The following ELAVL2 variants were observed in gnomAD, a reference collection of about 807,000 sequenced individuals.
ELAVL2 encodes the protein ELAV like RNA binding protein 2.
A neutral mutation model predicts 34.6 loss-of-function variants in ELAVL2; 4 were observed. The observed-to-expected ratio is 0.12, with a 90% confidence interval of 0.06 to 0.26. The LOEUF (loss-of-function observed/expected upper bound fraction) is 0.26, where lower values mean the gene tolerates loss of function less well. Among genes scored for constraint, ELAVL2 ranks in the 10% least tolerant of loss-of-function variants. The pLI is 1.00. For missense variants in ELAVL2, 432 were observed against 442.8 expected, an observed-to-expected ratio of 0.98 and a Z score of 0.22; for synonymous variants, 193 against 154.8, an observed-to-expected ratio of 1.25 and a Z score of -1.83.
chr9:23,762,158 G>C lies in ELAVL2; in HGVS notation c.77C>G (p.Ser26Trp), dbSNP rs146832864. The C allele has an allele frequency of 2.5e-6, 4 of 1,613,620 alleles. No homozygotes were observed. The highest frequency in any genetic ancestry group is 3.4e-6 in the Non-Finnish European group (4 of 1,179,650). Residue 26 changes from serine (S) to tryptophan (W), a missense_variant, in exon 2 of 7, where the codon TCG (serine) becomes TGG (tryptophan). Around this residue, in one of 3 missense-constraint regions of ELAVL2, gnomAD observed 132 missense variants for 118.3 expected, o/e 1.12. Transcript: ENST00000397312. ...TGTGTTCCCAGAGTCAACTGGTGAC[G>C]AACAGTTGTTGTTTATGGTGGTTGG... is the stretch of plus-strand genomic sequence containing the variant. ...NGPTTINNNC[S>W]SPVDSGNTED...
intron 6 of ELAVL2, 70 bp downstream of exon 6, chr9:23,693,378 C>G (rs1164125710): frequency 6.3e-7 from 1 of 1,582,902 alleles, no homozygotes; most frequent in Non-Finnish European, 8.7e-7. Flanking sequence ...GTGTGAATAG[C>G]ACTCCCAAAA....
chr9:23,732,163 G>GTAC (rs1317169182), intron 2 of ELAVL2, among the ~76,000 whole-genome samples: 10 of 152,180 alleles, frequency 6.6e-5, no homozygotes, highest in African/African-American at 2.4e-4. Flanking sequence ...CTTTTACTAA[G>GTAC]TACTACTGTT....
intron 1 of ELAVL2, among the ~76,000 whole-genome samples, chr9:23,776,099 T>C (rs753334036): frequency 2.0e-5 from 3 of 152,174 alleles, no homozygotes. Flanking sequence ...AAAATTTCCA[T>C]TGCAACCCTG....
At chr9:23,744,256 T>C (rs1370295338) in intron 2 of ELAVL2, among the ~76,000 whole-genome samples, 1 of 152,198 alleles carries the variant, frequency 6.6e-6, no homozygotes, top group Non-Finnish European at 1.5e-5. Context: ...ATCACTCTTG[T>C]TAAAAGAGGT....
At chr9:23,693,834 C>T (rs906168105) in intron 5 of ELAVL2, among the ~76,000 whole-genome samples, 3 of 152,162 alleles carry the variant, frequency 2.0e-5, no homozygotes, top group Non-Finnish European at 2.9e-5. Flanking sequence ...GTTCTTTATA[C>T]TACTTTTGAT....
chr9:23,781,398 A>G (rs896677505), intron 1 of ELAVL2, among the ~76,000 whole-genome samples: 1 of 152,152 alleles, frequency 6.6e-6, no homozygotes, highest in Admixed American at 6.5e-5. Flanking sequence ...TCAAAAGGTC[A>G]TGTTTTCACC....
upstream of ELAVL2, among the ~76,000 whole-genome samples, chr9:23,826,518 G>C (rs2065308629): frequency 6.6e-6 from 1 of 152,248 alleles, no homozygotes. Flanking sequence ...CCGTTTCAAG[G>C]TAAGTTGTGC....
At chr9:23,833,710 A>G in the ELAVL2 span, among the ~76,000 whole-genome samples, 1 of 151,948 alleles carries the variant, frequency 6.6e-6, no homozygotes, top group Non-Finnish European at 1.5e-5. Flanking sequence ...ATAAAAAATA[A>G]CCAAAAATGT....
At position 23,692,860 on chromosome 9, in the gene ELAVL2, T is replaced by C. The variant is rs1315291363; in HGVS notation, c.777A>G (p.Gly259=). The part of the protein sequence containing the change: ...VKRFSPMTID[G]MTSLAGINIP... ...TATTAATTCCAGCCAAACTGGTCAT[T>C]CCGTCAATGGTCATTGGAGAAAACC... The change falls in exon 7 of 7, where the codon GGA becomes GGG. Residue 259 remains glycine, a synonymous_variant. Transcript: ENST00000397312. The C allele has an allele frequency of 6.2e-7, 1 of 1,613,888 alleles. No homozygotes were observed. The highest frequency in any genetic ancestry group is 8.5e-7 in the Non-Finnish European group (1 of 1,179,926).
At chr9:23,839,086 A>G in the ELAVL2 span, among the ~76,000 whole-genome samples, 1 of 152,196 alleles carries the variant, frequency 6.6e-6, no homozygotes. Flanking sequence ...GAATCTAACA[A>G]GAGCTATCTA....
chr9:23,828,562 A>G (rs1431058814), upstream of ELAVL2, among the ~76,000 whole-genome samples: 2 of 152,210 alleles, frequency 1.3e-5, no homozygotes, highest in East Asian at 3.8e-4. Context: ...ATTACATGGA[A>G]AATAGTAAAC....
chr9:23,745,013 T>C (rs1348687056), intron 2 of ELAVL2, among the ~76,000 whole-genome samples: 1 of 152,068 alleles, frequency 6.6e-6, no homozygotes, highest in Non-Finnish European at 1.5e-5. Context: ...AAGACTAGCC[T>C]AGGCAACAAT....
chr9:23,828,845 T>TA (rs1588888394), upstream of ELAVL2, among the ~76,000 whole-genome samples: 3 of 152,160 alleles, frequency 2.0e-5, no homozygotes, highest in South Asian at 4.1e-4. Flanking sequence ...CTTTTAAAAA[T>TA]AAAAAATATT....
At position 23,805,767 on chromosome 9, in the gene ELAVL2, T is replaced by C. The variant is rs376995165; in HGVS notation, c.-16+20039A>G. ...AGCCGAAGAGGGTTCCACATGGCTATTAAATGACTGGCCCAGTGGTCATCC... is the reference window on the plus strand; with the variant it reads ...AGCCGAAGAGGGTTCCACATGGCTACTAAATGACTGGCCCAGTGGTCATCC... On this transcript the variant is annotated intron_variant, in intron 1 of 6. Transcript: ENST00000397312. Among the ~76,000 whole-genome samples, 5 of 152,360 alleles carry C rather than the reference T, an allele frequency of 3.3e-5. No homozygotes were observed. In the East Asian group the frequency reaches 7.7e-4, roughly 23 times the overall value.
intron 1 of ELAVL2, chr9:23,765,038 C>G: frequency 6.2e-7 from 1 of 1,609,458 alleles, no homozygotes; most frequent in African/African-American, 1.3e-5. Context: ...GCCCACGAAC[C>G]ACTTCTAAGC....
the ELAVL2 span, among the ~76,000 whole-genome samples, chr9:23,844,828 C>G: frequency 3.3e-5 from 5 of 152,116 alleles, no homozygotes; most frequent in African/African-American, 1.2e-4. Flanking sequence ...CTTTGAAAAT[C>G]TACAACAGAT....
chr9:23,726,357 A>G (rs573709274), intron 3 of ELAVL2, among the ~76,000 whole-genome samples: 11 of 152,292 alleles, frequency 7.2e-5, no homozygotes, highest in African/African-American at 2.6e-4. Context: ...AAGCAAAGGT[A>G]AATTTTAGCC....
chr9:23,783,490 T>C (rs1372664410), intron 1 of ELAVL2: 4 of 985,350 alleles, frequency 4.1e-6, no homozygotes, highest in Non-Finnish European at 2.4e-6. Flanking sequence ...ACGAGGTTCA[T>C]TATTGAATAA....
At chr9:23,818,473 A>C (rs1433297227) in intron 1 of ELAVL2, among the ~76,000 whole-genome samples, 1 of 152,166 alleles carries the variant, frequency 6.6e-6, no homozygotes, top group Non-Finnish European at 1.5e-5. Context: ...CGCCAAAAAT[A>C]AAATTAACCT....
Sources: gnomAD v4.1 joint callset for allele counts (sites outside exome capture counted in the v4.1 genomes callset) on GRCh38, gnomAD v4.1.1 for gene constraint, gnomAD v4.1.1 regional missense constraint, MANE v1.5 for transcripts, NCBI Gene and HGNC (gene_info 2026-07-23, HGNC 2026-07-21) for gene names.